The following PLEKHG7 variants were observed in gnomAD, a reference collection of about 807,000 sequenced individuals.
PLEKHG7 encodes the protein pleckstrin homology and RhoGEF domain containing G7.
PLEKHG7 carries 77 observed loss-of-function variants against 85.2 expected under a neutral mutation model. The ratio of observed to expected loss-of-function variants is 0.90; its 90% CI spans 0.75 to 1.09. PLEKHG7 has a LOEUF of 1.09. Among genes scored for constraint, PLEKHG7 ranks in the 50% least tolerant of loss-of-function variants. The pLI is 0.00. For missense variants in PLEKHG7, 777 were observed against 804.3 expected, an observed-to-expected ratio of 0.97 and a Z score of 0.41; for synonymous variants, 301 against 302.4, an observed-to-expected ratio of 1.00 and a Z score of 0.05.
chr12:92,766,110 T>G (rs146803149), intron 15 of PLEKHG7, among the ~76,000 whole-genome samples: 1 of 152,362 alleles, frequency 6.6e-6, no homozygotes, highest in African/African-American at 2.4e-5. Context: ...GCTCTCACTT[T>G]CAGTGTGAGC....
intron 3 of PLEKHG7, 174 bp downstream of exon 3, chr12:92,707,846 T>A: frequency 9.0e-7 from 1 of 1,105,300 alleles, no homozygotes; most frequent in Non-Finnish European, 1.3e-6. Context: ...ATTTCAAGAG[T>A]CTCCCTTTAA....
Position 92,772,201 on chromosome 12 carries a change from T to C in PLEKHG7, c.*2006T>C, listed in dbSNP as rs962075115. 1 of 151,906 alleles carries C rather than the reference T, an allele frequency of 6.6e-6. No homozygotes were observed. Among genetic ancestry groups the C allele is most frequent in the Non-Finnish European group, 1.5e-5 (1 of 67,842 alleles). 9.4% of individuals were successfully genotyped at this position (151,906 alleles called of 1,614,324 possible). On this transcript the variant is annotated 3_prime_UTR_variant, in exon 17 of 17. Transcript: ENST00000344636. ...AAATAAATAATGTTTTAAGTATCTT[T>C]AAATGGTCATCTGGGTATTAAATGC...
chr12:92,751,303 T>C (rs899375547), intron 10 of PLEKHG7, among the ~76,000 whole-genome samples: 7 of 152,194 alleles, frequency 4.6e-5, no homozygotes, highest in African/African-American at 1.2e-4. Flanking sequence ...GCCTGGCTTC[T>C]GGAGCTCCAT....
chr12:92,706,571 A>T lies in PLEKHG7; in HGVS notation c.-61A>T, dbSNP rs956742377. 5 of 1,518,628 alleles carry T rather than the reference A, an allele frequency of 3.3e-6. No individual in the cohort carries two copies. The highest frequency in any genetic ancestry group is 4.4e-6 in the Non-Finnish European group (5 of 1,137,616). The allele number at this position is 1,518,628 out of a possible 1,614,324, so 94.1% of individuals were successfully genotyped here. ...AAATTGAGCACCCTCCATGTGATCC[A>T]GAGAACAGCAACTCATACGTCTTCT... On this transcript the variant is annotated 5_prime_UTR_variant, in exon 2 of 17. Coordinates refer to ENST00000344636, the MANE Select transcript of PLEKHG7 (RefSeq NM_001377329.1).
At chr12:92,751,740 G>A (rs114524415) in intron 10 of PLEKHG7, among the ~76,000 whole-genome samples, 2,752 of 152,086 alleles carry the variant, frequency 0.018, 67 homozygotes, top group African/African-American at 0.063. Context: ...ACATCCAGCT[G>A]AGCCAGGTAC....
intron 13 of PLEKHG7, 109 bp from the exon 14 acceptor site, chr12:92,761,638 GAAAGA>G (rs1303345499): frequency 1.3e-4 from 68 of 519,454 alleles, no homozygotes; most frequent in African/African-American, 5.1e-4. Flanking sequence ...AAGAAAGAAA[GAAAGA>G]AAGAAAGAAA....
Position 92,707,105 on chromosome 12 carries a change from G to A in PLEKHG7, c.474G>A (p.Leu158=), listed in dbSNP as rs764089591. 1 of 1,613,836 alleles carries A rather than the reference G, an allele frequency of 6.2e-7. No homozygotes were observed. Among genetic ancestry groups the A allele is most frequent in the South Asian group, 1.1e-5 (1 of 91,062 alleles). Residue 158 remains leucine, a synonymous_variant, in exon 2 of 17, where the codon CTG becomes CTA. Coordinates refer to ENST00000344636, the MANE Select transcript of PLEKHG7 (RefSeq NM_001377329.1). ...ASLRQQEGHF[L]PSPTLRHPSP... ...TTCGGCAGCAAGAAGGCCACTTCCT[G>A]CCCAGCCCCACCCTACGACACCCTA...
chr12:92,738,204 A>G (rs117786056), intron 7 of PLEKHG7, among the ~76,000 whole-genome samples: 1,548 of 152,334 alleles, frequency 0.01, 19 homozygotes, highest in Non-Finnish European at 0.018. Flanking sequence ...TAGCACCCCT[A>G]TGGTCGCAGC....
intron 13 of PLEKHG7, among the ~76,000 whole-genome samples, chr12:92,758,826 G>T (rs905975679): frequency 1.3e-5 from 2 of 152,210 alleles, no homozygotes; most frequent in Non-Finnish European, 2.9e-5. Flanking sequence ...TGAGCATCGA[G>T]ATTTGATGGG....
rs554372058 is a variant in PLEKHG7, at chr12:92,769,017, C to T, written c.1905C>T (p.His635=). 2.4e-5 allele frequency: 38 copies of T among 1,603,314 alleles called. No homozygotes were observed. The highest frequency in any genetic ancestry group is 2.7e-5 in the Non-Finnish European group (32 of 1,172,358). Reference sequence around the variant, plus strand: ...TGAGAAATGCTTTTCTTATACAACACGAAAACAGATATCGACAGTGTATAG... The same window carrying T: ...TGAGAAATGCTTTTCTTATACAACATGAAAACAGATATCGACAGTGTATAG... ...FGLRNAFLIQ[H]ENRYRQCIAA... is the part of the protein sequence containing the mutation. The change falls in exon 16 of 17, where the codon CAC becomes CAT. Residue 635 remains histidine, a synonymous_variant. Transcript: ENST00000344636.
chr12:92,735,004 G>T (rs1304463445), intron 5 of PLEKHG7, among the ~76,000 whole-genome samples: 1 of 152,136 alleles, frequency 6.6e-6, no homozygotes, highest in East Asian at 1.9e-4. Flanking sequence ...TGACCACTGG[G>T]AGAATGGTCT....
chr12:92,739,027 T>C (rs1357013442), intron 7 of PLEKHG7, among the ~76,000 whole-genome samples: 1 of 152,196 alleles, frequency 6.6e-6, no homozygotes, highest in Non-Finnish European at 1.5e-5. Context: ...TCAAGGCATG[T>C]TTGATCAAGG....
chr12:92,723,930 A>T (rs1871720013), intron 3 of PLEKHG7, among the ~76,000 whole-genome samples: 3 of 152,228 alleles, frequency 2.0e-5, no homozygotes, highest in Admixed American at 1.3e-4. Flanking sequence ...GAGTGTATAC[A>T]TCTAGAGTTC....
At chr12:92,727,323 T>C (rs1871844982) in intron 3 of PLEKHG7, among the ~76,000 whole-genome samples, 1 of 152,158 alleles carries the variant, frequency 6.6e-6, no homozygotes, top group Non-Finnish European at 1.5e-5. Context: ...GTATATTGCA[T>C]CATGGAGGAG....
Position 92,747,791 on chromosome 12 carries a change from G to GCA in PLEKHG7, c.1251+2203_1251+2204dup, listed in dbSNP as rs569500276. On this transcript the variant is annotated intron_variant, in intron 10 of 16. Transcript: ENST00000344636. The stretch of plus-strand genomic sequence containing the variant: ...GAGGTCATTAAGTGAAATAAGCCAA[G>GCA]CACAGAAAGACAGATATTGCATGTT... 1.3e-4 allele frequency among the ~76,000 whole-genome samples: 20 copies of GCA among 152,294 alleles called. No individual in the cohort carries two copies. In the East Asian group the frequency reaches 3.5e-3, roughly 26 times the overall value.
In PLEKHG7 at chr12:92,706,794, A is replaced by G. The variant is rs759779896; in HGVS notation, c.163A>G (p.Arg55Gly). 1 of 1,614,020 alleles carries G rather than the reference A, an allele frequency of 6.2e-7. No homozygotes were observed. Among genetic ancestry groups the G allele is most frequent in the East Asian group, 2.2e-5 (1 of 44,886 alleles). Residue 55 changes from arginine (R) to glycine (G), a missense_variant, in exon 2 of 17, where the codon AGG becomes GGG. Coordinates refer to ENST00000344636, the MANE Select transcript of PLEKHG7 (RefSeq NM_001377329.1). ...CACCTCGCCCACTTTGAGGAGATTA[A>G]GGACCCGTGGCTGTGGGACAAGGCA... Reference protein sequence around the residue: ...ISTSPTLRRLRTRGCGTRQDA... With the variant: ...ISTSPTLRRLGTRGCGTRQDA...
rs747616431 is a variant in PLEKHG7 at position 92,741,500 on chromosome 12, G to A, written c.1045G>A (p.Gly349Ser). The A allele has an allele frequency of 2.6e-5, 41 of 1,607,832 alleles. No individual in the cohort carries two copies. The highest frequency in any genetic ancestry group is 3.2e-5 in the Non-Finnish European group (38 of 1,177,584). ...NLEELTQTSL[G>S]FVNSLFGIIK... ...TTCTCTCTGTCCCTAGACAAGCCTT[G>A]GTTTTGTGAACAGTCTCTTTGGCAT... Residue 349 changes from glycine to serine, a missense_variant, in exon 9 of 17, where the codon GGT becomes AGT. Coordinates refer to ENST00000344636, the MANE Select transcript of PLEKHG7 (RefSeq NM_001377329.1).
At chr12:92,744,710 G>A (rs1872474721) in intron 9 of PLEKHG7, among the ~76,000 whole-genome samples, 1 of 149,982 alleles carries the variant, frequency 6.7e-6, no homozygotes, top group Non-Finnish European at 1.5e-5. Context: ...CTGTCACTCA[G>A]GCTGGAGTGC....
At chr12:92,740,213 A>G (rs1872308570) in intron 7 of PLEKHG7, among the ~76,000 whole-genome samples, 1 of 152,180 alleles carries the variant, frequency 6.6e-6, no homozygotes, top group African/African-American at 2.4e-5. Context: ...TTTTCAATAA[A>G]TTGATCTCTC....
Sources: allele counts gnomAD v4.1 joint callset (sites outside exome capture counted in the v4.1 genomes callset), GRCh38; gene constraint gnomAD v4.1.1; transcripts MANE v1.5; gene names NCBI Gene and HGNC (gene_info 2026-07-23, HGNC 2026-07-21).